Variants in BTAF1 observed in about 807,000 individuals in gnomAD.
BTAF1 encodes TATA-binding protein-associated factor 172.
In BTAF1, 38 loss-of-function variants were observed where a neutral mutation model predicts 227.1. That is an observed-to-expected ratio of 0.17 (90% CI 0.13 to 0.22). BTAF1 has a LOEUF of 0.22. Among genes scored for constraint, BTAF1 ranks in the 10% least tolerant of loss-of-function variants. The pLI, the probability that BTAF1 is intolerant of heterozygous loss-of-function variation, is 1.00. For synonymous variants in BTAF1, 742 were observed against 751.9 expected, an observed-to-expected ratio of 0.99 and a Z score of 0.21; for missense variants, 1,598 against 2,204.0, an observed-to-expected ratio of 0.73 and a Z score of 5.51.
intron 32 of BTAF1, 132 bp downstream of exon 32, chr10:92,014,161 G>A: frequency 1.0e-6 from 1 of 967,350 alleles, no homozygotes; most frequent in Non-Finnish European, 1.5e-6. Context: ...TAAATGATGT[G>A]GATGTAAGTT....
intron 4 of BTAF1, among the ~76,000 whole-genome samples, chr10:91,945,998 A>G (rs189614098): frequency 1.3e-5 from 2 of 152,320 alleles, no homozygotes; most frequent in Non-Finnish European, 2.9e-5. Context: ...ATGTGGTAGT[A>G]TTTCATTTTA....
At chr10:91,991,819 A>G (rs1186341964) in intron 20 of BTAF1, among the ~76,000 whole-genome samples, 1 of 66,180 alleles carries the variant, frequency 1.5e-5, no homozygotes. Flanking sequence ...ATATATATAT[A>G]TATATATATA....
intron 19 of BTAF1, among the ~76,000 whole-genome samples, chr10:91,986,678 T>A (rs1848414425): frequency 6.6e-6 from 1 of 152,192 alleles, no homozygotes; most frequent in South Asian, 2.1e-4. Flanking sequence ...AAATTTTCTT[T>A]ATAGTCTAGG....
chr10:91,930,861 T>C (rs17107211), intron 1 of BTAF1, among the ~76,000 whole-genome samples: 12,006 of 152,300 alleles, frequency 0.079, 705 homozygotes, highest in East Asian at 0.2. Flanking sequence ...TGACTGGTCA[T>C]GCTTTTTTAG....
At position 91,953,800 on chromosome 10, in the gene BTAF1, A is replaced by G. The variant is rs1845919322; in HGVS notation, c.628A>G (p.Asn210Asp). Residue 210 changes from asparagine to aspartate, a missense_variant, in exon 6 of 38, where the codon AAC becomes GAC. Around this residue, in one of 10 missense-constraint regions of BTAF1, gnomAD observed 298 missense variants for 395.2 expected, o/e 0.75. Coordinates refer to ENST00000265990, the MANE Select transcript of BTAF1 (RefSeq NM_003972.3). Reference sequence around the variant, plus strand: ...AGCAGGAATGAGCAATAGACAAAAGAACAAAGCTAAAAGAATGGCCAAGTT... The same window carrying G: ...AGCAGGAATGAGCAATAGACAAAAGGACAAAGCTAAAAGAATGGCCAAGTT... ...FRAGMSNRQKNKAKRMAKLFA... is the reference protein window; with the variant it reads ...FRAGMSNRQKDKAKRMAKLFA... 6.2e-7 allele frequency: 1 copy of G among 1,614,016 alleles called. No homozygotes were observed. Among genetic ancestry groups the G allele is most frequent in the Non-Finnish European group, 8.5e-7 (1 of 1,179,988 alleles).
chr10:91,952,310 A>G (rs1375475302), intron 5 of BTAF1, among the ~76,000 whole-genome samples: 1 of 152,066 alleles, frequency 6.6e-6, no homozygotes, highest in Non-Finnish European at 1.5e-5. Flanking sequence ...CTGTACCATA[A>G]TTTCACTCTT....
chr10:91,941,786 CAT>C (rs1435565615), intron 3 of BTAF1, among the ~76,000 whole-genome samples: 1 of 152,158 alleles, frequency 6.6e-6, no homozygotes, highest in Non-Finnish European at 1.5e-5. Flanking sequence ...TGATATTTAA[CAT>C]ATACATTTTA....
At position 92,009,827 on chromosome 10, in the gene BTAF1, A is replaced by C. The variant is rs140424393; in HGVS notation, c.4103+619A>C. On this transcript the variant is annotated intron_variant, in intron 28 of 37. Coordinates refer to ENST00000265990, the MANE Select transcript of BTAF1 (RefSeq NM_003972.3). ...TTACCCCTTCCCTATTAACTAGTACATCTCTTATGTTCCTAACTGTAAATT... is the reference window on the plus strand; with the variant it reads ...TTACCCCTTCCCTATTAACTAGTACCTCTCTTATGTTCCTAACTGTAAATT... Among the ~76,000 whole-genome samples, 468 of 152,224 alleles carry C rather than the reference A, an allele frequency of 3.1e-3. 3 individuals carry two copies. The highest frequency in any genetic ancestry group is 6.8e-3 in the Middle Eastern group (2 of 294).
intron 37 of BTAF1, 112 bp downstream of exon 37, chr10:92,027,412 C>G: frequency 1.0e-6 from 1 of 978,908 alleles, no homozygotes; most frequent in Non-Finnish European, 1.5e-6. Context: ...TCCATGAGAT[C>G]ACCACTGGAG....
intron 4 of BTAF1, among the ~76,000 whole-genome samples, chr10:91,943,428 G>A (rs535374443): frequency 1.3e-5 from 2 of 152,124 alleles, no homozygotes. Flanking sequence ...CCTGGAGTGG[G>A]GAAAAAACCT....
At chr10:91,981,833 C>T (rs1482246106) in intron 16 of BTAF1, 41 bp downstream of exon 16, 1 of 1,570,808 alleles carries the variant, frequency 6.4e-7, no homozygotes. Context: ...TGTTCATCAT[C>T]TAATTATTAA....
chr10:91,977,371 C>T (rs982936819), intron 14 of BTAF1, among the ~76,000 whole-genome samples: 1 of 152,068 alleles, frequency 6.6e-6, no homozygotes, highest in South Asian at 2.1e-4. Context: ...GCTTTTTTCA[C>T]TTAGTAATAT....
Position 91,959,738 on chromosome 10 carries a change from GTGTATA to G in BTAF1, c.991-45_991-40del, listed in dbSNP as rs763329796. 9.1e-3 allele frequency: 3,365 copies of G among 370,108 alleles called. 17 individuals carry two copies. Among genetic ancestry groups the G allele is most frequent in the East Asian group, 0.029 (384 of 13,392 alleles). 22.9% of individuals were successfully genotyped at this position (370,108 alleles called of 1,614,324 possible). A position where few individuals can be genotyped will look rare whatever the true frequency, so the allele number is the denominator to read the frequency against. On this transcript the variant is annotated intron_variant, in intron 9 of 37. Transcript: ENST00000265990. ...AAAAAATGTGTGTGTGTGTGTGTGTGTGTATATATATATATATATATATATATATAT... is the reference window on the plus strand; with the variant it reads ...AAAAAATGTGTGTGTGTGTGTGTGTGTATATATATATATATATATATATAT...
rs1234205048 is a variant in BTAF1 at position 92,024,889 on chromosome 10, A to G, written c.4997A>G (p.Lys1666Arg). 1.9e-6 allele frequency: 3 copies of G among 1,614,090 alleles called. No individual in the cohort carries two copies. Among genetic ancestry groups the G allele is most frequent in the Non-Finnish European group, 2.5e-6 (3 of 1,180,016 alleles). The stretch of plus-strand genomic sequence containing the variant: ...GATATAGTAGAGCATGATCTCCTCA[A>G]ACCTCACTTGCCCTCTGTCACTTAT... ...MLDIVEHDLL[K>R]PHLPSVTYLR... Residue 1666 changes from lysine to arginine, a missense_variant, in exon 35 of 38, where the codon AAA becomes AGA. Lys to Arg is a conservative substitution (Grantham distance 26, BLOSUM62 2). Coordinates refer to ENST00000265990, the MANE Select transcript of BTAF1 (RefSeq NM_003972.3).
At chr10:91,924,555 TTCC>T (rs1160864071) in intron 1 of BTAF1, among the ~76,000 whole-genome samples, 3 of 152,222 alleles carry the variant, frequency 2.0e-5, no homozygotes, top group Non-Finnish European at 4.4e-5. Flanking sequence ...GGTATGTTCT[TTCC>T]TGAGATGTTT....
At chr10:91,951,687 CCA>C in intron 5 of BTAF1, 121 bp downstream of exon 5, 1 of 1,039,632 alleles carries the variant, frequency 9.6e-7, no homozygotes, top group East Asian at 2.8e-5. Context: ...CTGCTTAGTG[CCA>C]CCATAATTTA....
intron 24 of BTAF1, among the ~76,000 whole-genome samples, chr10:91,996,875 GATTT>G (rs368007895): frequency 1.3e-5 from 2 of 152,112 alleles, no homozygotes; most frequent in African/African-American, 4.8e-5. Flanking sequence ...TCTAGTAAGT[GATTT>G]ATTTGTTTAT....
In BTAF1 at chr10:91,996,501, A is replaced by G. The variant is rs1849156689; in HGVS notation, c.3442A>G (p.Lys1148Glu). ...TMETMNIFLE[K>E]VLPWLGAIDD... ...GGAAACAATGAATATTTTTTTGGAGAAGGTTCTTCCGTGGCTGGGAGCAAT... is the reference window on the plus strand; with the variant it reads ...GGAAACAATGAATATTTTTTTGGAGGAGGTTCTTCCGTGGCTGGGAGCAAT... Residue 1148 changes from lysine (K) to glutamate (E), a missense_variant, in exon 24 of 38, where the codon AAG (lysine) becomes GAG (glutamate). Around this residue, in one of 10 missense-constraint regions of BTAF1, gnomAD observed 425 missense variants for 491.2 expected, o/e 0.87. Transcript: ENST00000265990. 6.2e-7 allele frequency: 1 copy of G among 1,613,966 alleles called. No homozygotes were observed. The highest frequency in any genetic ancestry group is 1.3e-5 in the African/African-American group (1 of 74,896).
At chr10:92,005,272 C>G (rs1360873879) in intron 25 of BTAF1, among the ~76,000 whole-genome samples, 1 of 151,862 alleles carries the variant, frequency 6.6e-6, no homozygotes, top group Non-Finnish European at 1.5e-5. Context: ...AAAGCTTATT[C>G]AGAGGGATAA....
Sources: gnomAD v4.1 joint callset for allele counts (sites outside exome capture counted in the v4.1 genomes callset) on GRCh38, gnomAD v4.1.1 for gene constraint, gnomAD v4.1.1 regional missense constraint, MANE v1.5 for transcripts, NCBI Gene and HGNC (gene_info 2026-07-23, HGNC 2026-07-21) for gene names.